BHMT2: variants seen among roughly 807,000 people sequenced by gnomAD.
BHMT2 encodes S-methylmethionine--homocysteine S-methyltransferase BHMT2.
BHMT2 carries 28 observed loss-of-function variants against 39.0 expected under a neutral mutation model. The observed-to-expected ratio is 0.72, with a 90% CI of 0.53 to 0.98. The LOEUF (loss-of-function observed/expected upper bound fraction) is 0.98. Ranked by LOEUF, BHMT2 falls within the 50% of genes least tolerant of loss-of-function variation. The pLI, the probability that BHMT2 is intolerant of heterozygous loss-of-function variation, is 0.00. For synonymous variants in BHMT2, 145 were observed against 160.6 expected, an observed-to-expected ratio of 0.90 and a Z score of 0.74; for missense variants, 410 against 455.6, an observed-to-expected ratio of 0.90 and a Z score of 0.91.
chr5:79,082,882 C>T lies in BHMT2; in HGVS notation c.524C>T (p.Thr175Ile). Residue 175 changes from threonine (T) to isoleucine (I), a missense_variant, in exon 5 of 8, where the codon ACC (threonine) becomes ATC (isoleucine). Transcript: ENST00000255192. ...LKESDRPVAV[T>I]MCIGPEGDMH... is the part of the protein sequence containing the mutation. Reference sequence around the variant, plus strand: ...GAATCAGATAGACCCGTGGCAGTTACCATGTGCATAGGCCCAGAGGGAGAC... The same window carrying T: ...GAATCAGATAGACCCGTGGCAGTTATCATGTGCATAGGCCCAGAGGGAGAC... 1.9e-6 allele frequency: 3 copies of T among 1,614,176 alleles called. No individual in the cohort carries two copies. The highest frequency in any genetic ancestry group is 2.5e-6 in the Non-Finnish European group (3 of 1,180,042).
intron 3 of BHMT2, among the ~76,000 whole-genome samples, chr5:79,079,725 GTC>G (rs1755750237): frequency 1.3e-5 from 2 of 152,118 alleles, no homozygotes; most frequent in African/African-American, 4.8e-5. Context: ...GTGAAACCCT[GTC>G]TCTACTGAAA....
In BHMT2 at chr5:79,088,734, G is replaced by A. The variant is rs1648775791; in HGVS notation, c.*160G>A. On this transcript the variant is annotated 3_prime_UTR_variant, in exon 8 of 8. Transcript: ENST00000255192. ...CCCTTCCCTTCCAGCCCACAAGTGT[G>A]TGCATATTGAGCTCCTGCTGTGGTT... 5.1e-6 allele frequency: 3 copies of A among 584,074 alleles called. No individual in the cohort carries two copies. The highest frequency in any genetic ancestry group is 9.3e-6 in the Non-Finnish European group (3 of 320,974). The allele number at this position is 584,074 out of a possible 1,614,324, so 36.2% of individuals were successfully genotyped here. A position where few individuals can be genotyped will look rare whatever the true frequency, so the allele number is the denominator to read the frequency against.
intron 1 of BHMT2, among the ~76,000 whole-genome samples, chr5:79,073,621 T>C (rs1435170318): frequency 6.6e-6 from 1 of 152,198 alleles, no homozygotes; most frequent in Non-Finnish European, 1.5e-5. Flanking sequence ...AAGAAAGAGA[T>C]GAGAATCAGT....
rs115373569 is a variant in BHMT2, at chr5:79,086,477, G to A, written c.1011-2016G>A. On this transcript the variant is annotated intron_variant, in intron 7 of 7. Transcript: ENST00000255192. Reference sequence around the variant, plus strand: ...AATCCATCATGCCTTGGTGTTTCCAGTCAAACTTCCAATCTAATACTCTGT... The same window carrying A: ...AATCCATCATGCCTTGGTGTTTCCAATCAAACTTCCAATCTAATACTCTGT... Among the ~76,000 whole-genome samples, 774 of 152,246 alleles carry A rather than the reference G, an allele frequency of 5.1e-3. 3 individuals are homozygous for A. The highest frequency in any genetic ancestry group is 0.032 in the East Asian group (166 of 5,176).
rs181160797 is a variant in BHMT2 at position 79,089,737 on chromosome 5, C to A, written c.*1163C>A. On this transcript the variant is annotated 3_prime_UTR_variant, in exon 8 of 8. Transcript: ENST00000255192. ...ATCCCAGCACTTTGGGAGGCCAGGG[C>A]GGGCAGATCACTTGGGTCAAGAGTT... 5.3e-5 allele frequency among the ~76,000 whole-genome samples: 8 copies of A among 152,248 alleles called. No homozygotes were observed. The highest frequency in any genetic ancestry group is 1.9e-4 in the African/African-American group (8 of 41,542).
chr5:79,070,559 CA>C (rs1400779687), intron 1 of BHMT2, among the ~76,000 whole-genome samples: 1 of 152,208 alleles, frequency 6.6e-6, no homozygotes, highest in African/African-American at 2.4e-5. Flanking sequence ...AAGACATCCC[CA>C]GGACCCTTCA....
At chr5:79,069,855 G>A (rs1469612448) in intron 1 of BHMT2, 40 bp downstream of exon 1, 3 of 1,366,614 alleles carry the variant, frequency 2.2e-6, no homozygotes, top group South Asian at 1.9e-5. Flanking sequence ...GCTCCTGGCC[G>A]CTGGGCTGCG....
rs191056750 is a variant in BHMT2 at position 79,079,466 on chromosome 5, C to T, written c.258+6C>T. The T allele has an allele frequency of 4.5e-5, 73 of 1,604,544 alleles. No homozygotes were observed. In the East Asian group the frequency reaches 7.6e-4, roughly 17 times the overall value. ...AGGACAATATGGAAAGCAAGGTAAACGGCAATGGCTGGGTGTGGGGGAGGG... is the reference window on the plus strand; with the variant it reads ...AGGACAATATGGAAAGCAAGGTAAATGGCAATGGCTGGGTGTGGGGGAGGG... On this transcript the variant is annotated splice_donor_region_variant and intron_variant, in intron 3 of 7. Coordinates refer to ENST00000255192, the MANE Select transcript of BHMT2 (RefSeq NM_017614.5).
chr5:79,077,595 T>G lies in BHMT2; in HGVS notation c.149T>G (p.Ile50Arg). ...GGGCTCTGGACTCCAGAGGCAGTGA[T>G]AGAACACCCAGACGCAGGTTGGTGT... ...KAGLWTPEAV[I>R]EHPDAVRQLH... The change falls in exon 2 of 8, where the codon ATA (isoleucine) becomes AGA (arginine). Residue 50 changes from isoleucine to arginine, a missense_variant. Ile to Arg is a moderately conservative substitution (Grantham distance 97). Coordinates refer to ENST00000255192, the MANE Select transcript of BHMT2 (RefSeq NM_017614.5). The G allele has an allele frequency of 6.2e-7, 1 of 1,613,862 alleles. No homozygotes were observed. The highest frequency in any genetic ancestry group is 8.5e-7 in the Non-Finnish European group (1 of 1,179,902).
chr5:79,071,207 A>G (rs1202677031), intron 1 of BHMT2: 2 of 152,220 alleles, frequency 1.3e-5, no homozygotes, highest in African/African-American at 4.8e-5. Flanking sequence ...CTCTCTCCTC[A>G]GCTAGCAGGT....
At chr5:79,082,733 G>C in intron 4 of BHMT2, 76 bp from the exon 5 acceptor site, 2 of 1,520,560 alleles carry the variant, frequency 1.3e-6, no homozygotes. Context: ...TTTTATAACT[G>C]TTTTGCTATA....
intron 1 of BHMT2, 31 bp downstream of exon 1, chr5:79,069,846 C>G (rs540788847): frequency 2.2e-6 from 3 of 1,384,608 alleles, no homozygotes; most frequent in East Asian, 3.0e-5. Context: ...CCTCGCGGAG[C>G]TCCTGGCCGC....
At chr5:79,085,297 C>T (rs1755871334) in intron 7 of BHMT2, among the ~76,000 whole-genome samples, 1 of 152,230 alleles carries the variant, frequency 6.6e-6, no homozygotes, top group African/African-American at 2.4e-5. Context: ...CTTGAAAATA[C>T]TGACCAGCTC....
intron 7 of BHMT2, among the ~76,000 whole-genome samples, chr5:79,084,515 G>T (rs148010024): frequency 6.6e-6 from 1 of 151,928 alleles, no homozygotes; most frequent in Non-Finnish European, 1.5e-5. Flanking sequence ...CTCGTAATCC[G>T]CCTGCCTTGG....
chr5:79,072,199 G>A lies in BHMT2; in HGVS notation c.33+2384G>A, dbSNP rs1353264720. ...GGAGAATTGCTTGAACCCTGGAGGTGGAGGTTGCAGTGAGCTGAGATCGCG... is the reference window on the plus strand; with the variant it reads ...GGAGAATTGCTTGAACCCTGGAGGTAGAGGTTGCAGTGAGCTGAGATCGCG... On this transcript the variant is annotated intron_variant, in intron 1 of 7. Transcript: ENST00000255192. Among the ~76,000 whole-genome samples the A allele has an allele frequency of 3.9e-5, 6 of 152,124 alleles. No homozygotes were observed. The East Asian group carries it at 9.7e-4, about 24-fold the overall frequency.
Position 79,083,580 on chromosome 5 carries a change from T to C in BHMT2, c.782-48T>C, listed in dbSNP as rs773295580. 1.4e-5 allele frequency: 23 copies of C among 1,599,114 alleles called. 1 individual carries two copies. In the South Asian group the frequency reaches 2.6e-4, roughly 18 times the overall value. On this transcript the variant is annotated intron_variant, in intron 6 of 7. Coordinates refer to ENST00000255192, the MANE Select transcript of BHMT2 (RefSeq NM_017614.5). ...AACTGCTCATTAGAGCATCCATCAT[T>C]TGAAAATGAGAACAGTAACAGAAAT...
intron 1 of BHMT2, among the ~76,000 whole-genome samples, chr5:79,074,026 G>T (rs1404468329): frequency 6.6e-6 from 1 of 152,168 alleles, no homozygotes; most frequent in Non-Finnish European, 1.5e-5. Context: ...GGGCAGCTGA[G>T]GTCGCTGGAG....
chr5:79,087,859 T>C (rs1317559621), intron 7 of BHMT2, among the ~76,000 whole-genome samples: 2 of 152,200 alleles, frequency 1.3e-5, no homozygotes, highest in East Asian at 3.8e-4. Context: ...GTTAGAAATT[T>C]CAGAATAAAT....
Position 79,077,553 on chromosome 5 carries a change from G to A in BHMT2, c.107G>A (p.Arg36Lys). 1 of 1,614,052 alleles carries A rather than the reference G, an allele frequency of 6.2e-7. No homozygotes were observed. ...AGCTTTCTCATTACTCTGGAGAAGA[G>A]AGGCTATGTGAAGGCTGGGCTCTGG... ...DGSFLITLEKRGYVKAGLWTP... is the reference protein window; with the variant it reads ...DGSFLITLEKKGYVKAGLWTP... Residue 36 changes from arginine to lysine, a missense_variant, in exon 2 of 8, where the codon AGA becomes AAA. Transcript: ENST00000255192.
Sources: allele counts gnomAD v4.1 joint callset (sites outside exome capture counted in the v4.1 genomes callset), GRCh38; gene constraint gnomAD v4.1.1; transcripts MANE v1.5; gene names NCBI Gene and HGNC (gene_info 2026-07-23, HGNC 2026-07-21).